Variants in KCNQ5 observed in about 807,000 individuals in gnomAD.
KCNQ5 encodes potassium voltage-gated channel subfamily Q member 5.
Under a neutral mutation model 98.2 loss-of-function variants are expected in KCNQ5, and 30 were observed. That is an observed-to-expected ratio of 0.31 (90% CI 0.23 to 0.41). KCNQ5 has a LOEUF of 0.41. Among genes scored for constraint, KCNQ5 ranks in the 10% least tolerant of loss-of-function variants. KCNQ5 has a pLI of 1.00. For missense variants in KCNQ5, 835 were observed against 1,182.5 expected, an observed-to-expected ratio of 0.71 and a Z score of 4.31; for synonymous variants, 458 against 449.4, an observed-to-expected ratio of 1.02 and a Z score of -0.24.
chr6:72,691,679 C>T (rs1768220159), intron 1 of KCNQ5, among the ~76,000 whole-genome samples: 2 of 152,146 alleles, frequency 1.3e-5, no homozygotes, highest in African/African-American at 2.4e-5. Context: ...TTTTTGGTAA[C>T]TGCCTGGCAT....
chr6:72,881,082 C>A (rs895960641), intron 1 of KCNQ5, among the ~76,000 whole-genome samples: 1 of 152,206 alleles, frequency 6.6e-6, no homozygotes, highest in Admixed American at 6.5e-5. Context: ...ATTGTCACTA[C>A]ATTACAGAAA....
intron 1 of KCNQ5, among the ~76,000 whole-genome samples, chr6:72,962,278 T>G (rs1237025825): frequency 6.8e-6 from 1 of 146,872 alleles, no homozygotes; most frequent in East Asian, 2.0e-4. Flanking sequence ...CATATATATA[T>G]ATATGGGAGC....
intron 10 of KCNQ5, chr6:73,158,238 C>A: frequency 5.9e-6 from 1 of 170,664 alleles, no homozygotes; most frequent in Non-Finnish European, 1.2e-5. Flanking sequence ...GCCTTTAAGT[C>A]CTGGAATTTT....
At chr6:72,810,492 A>C (rs1443975354) in intron 1 of KCNQ5, among the ~76,000 whole-genome samples, 1 of 152,218 alleles carries the variant, frequency 6.6e-6, no homozygotes, top group Non-Finnish European at 1.5e-5. Context: ...GTAGAAATCT[A>C]TTCTCCTTTC....
chr6:73,073,028 T>C (rs1773366250), intron 3 of KCNQ5, among the ~76,000 whole-genome samples: 1 of 152,206 alleles, frequency 6.6e-6, no homozygotes, highest in Non-Finnish European at 1.5e-5. Context: ...TATTTCTGCT[T>C]TCTCCTCCCT....
intron 10 of KCNQ5, chr6:73,133,961 G>C (rs1285336880): frequency 2.0e-6 from 1 of 498,862 alleles, no homozygotes; most frequent in South Asian, 1.5e-5. Flanking sequence ...TCATTCTGAT[G>C]TATTTGTGAC....
intron 1 of KCNQ5, among the ~76,000 whole-genome samples, chr6:72,649,068 C>T (rs1433073899): frequency 6.6e-6 from 1 of 152,088 alleles, no homozygotes; most frequent in Non-Finnish European, 1.5e-5. Flanking sequence ...AACAAATGCA[C>T]GAAGCCTGGA....
At chr6:72,671,253 A>C (rs111582921) in intron 1 of KCNQ5, among the ~76,000 whole-genome samples, 41 of 152,304 alleles carry the variant, frequency 2.7e-4, no homozygotes, top group African/African-American at 9.9e-4. Context: ...TACTTTGGGA[A>C]AACTGAATGA....
chr6:73,034,466 A>G (rs867325276), intron 2 of KCNQ5, among the ~76,000 whole-genome samples: 14 of 152,244 alleles, frequency 9.2e-5, no homozygotes, highest in African/African-American at 2.9e-4. Flanking sequence ...ATGGCATAAA[A>G]CCAGAAAAAA....
intron 5 of KCNQ5, among the ~76,000 whole-genome samples, chr6:73,094,401 C>CGTTAG (rs1384340597): frequency 1.3e-5 from 2 of 152,104 alleles, no homozygotes; most frequent in East Asian, 3.8e-4. Context: ...TTACATTCAA[C>CGTTAG]GTTAGTATTG....
At chr6:72,750,324 A>G (rs554166129) in intron 1 of KCNQ5, among the ~76,000 whole-genome samples, 6 of 152,258 alleles carry the variant, frequency 3.9e-5, no homozygotes, top group African/African-American at 1.4e-4. Flanking sequence ...AAAATTTACT[A>G]GAAATCAATT....
chr6:72,834,989 T>C (rs1455879728), intron 1 of KCNQ5, among the ~76,000 whole-genome samples: 1 of 152,162 alleles, frequency 6.6e-6, no homozygotes, highest in East Asian at 1.9e-4. Flanking sequence ...ATAAAGTAAA[T>C]TTTATAAATG....
At chr6:72,967,100 T>A (rs549217552) in intron 1 of KCNQ5, among the ~76,000 whole-genome samples, 27 of 152,276 alleles carry the variant, frequency 1.8e-4, no homozygotes, top group African/African-American at 4.8e-4. Context: ...AAGGAGAAGG[T>A]CCATGGTTAT....
intron 1 of KCNQ5, among the ~76,000 whole-genome samples, chr6:72,634,863 C>T (rs1468192161): frequency 6.6e-6 from 1 of 152,064 alleles, no homozygotes; most frequent in Non-Finnish European, 1.5e-5. Flanking sequence ...CCACTGCGCC[C>T]GGCCTTCATT....
chr6:72,845,148 C>A (rs539069423), intron 1 of KCNQ5, among the ~76,000 whole-genome samples: 1 of 152,212 alleles, frequency 6.6e-6, no homozygotes, highest in South Asian at 2.1e-4. Context: ...TAATATTGCC[C>A]ACTTTCTGAG....
chr6:73,167,428 A>T (rs1777847067), intron 10 of KCNQ5, among the ~76,000 whole-genome samples: 1 of 152,162 alleles, frequency 6.6e-6, no homozygotes, highest in African/African-American at 2.4e-5. Flanking sequence ...TTGGAGCCTC[A>T]GGGAACTGGA....
At chr6:73,138,344 G>A (rs1009170767) in intron 10 of KCNQ5, among the ~76,000 whole-genome samples, 1 of 152,128 alleles carries the variant, frequency 6.6e-6, no homozygotes, top group Non-Finnish European at 1.5e-5. Context: ...GAAAATCTTC[G>A]GATTTCTGGT....
chr6:72,905,178 C>T (rs1287588461), intron 1 of KCNQ5, among the ~76,000 whole-genome samples: 2 of 152,114 alleles, frequency 1.3e-5, no homozygotes, highest in African/African-American at 4.8e-5. Context: ...TGAGACTTTC[C>T]AGGGCATTTT....
intron 1 of KCNQ5, among the ~76,000 whole-genome samples, chr6:72,922,550 C>T (rs1268717163): frequency 6.6e-6 from 1 of 152,106 alleles, no homozygotes; most frequent in Non-Finnish European, 1.5e-5. Flanking sequence ...TATGCTCTGA[C>T]CAACATCTCC....
Sources: allele counts gnomAD v4.1 joint callset (sites outside exome capture counted in the v4.1 genomes callset), GRCh38; gene constraint gnomAD v4.1.1; transcripts MANE v1.5; gene names NCBI Gene and HGNC (gene_info 2026-07-23, HGNC 2026-07-21).